The following NLK variants were observed in gnomAD, a reference collection of about 807,000 sequenced individuals.
NLK encodes the protein serine/threonine-protein kinase NLK.
In NLK, 11 loss-of-function variants were observed where a neutral mutation model predicts 59.0. The observed-to-expected ratio is 0.19, with a 90% CI of 0.12 to 0.31. The LOEUF (loss-of-function observed/expected upper bound fraction) is 0.31. Among genes scored for constraint, NLK ranks in the 10% least tolerant of loss-of-function variants. The pLI is 1.00. For missense variants in NLK, 410 were observed against 661.1 expected (o/e 0.62, Z 4.16); for synonymous variants, 235 against 235.9 (o/e 1.00, Z 0.03).
intron 1 of NLK, among the ~76,000 whole-genome samples, chr17:28,072,200 T>G (rs1459795885): frequency 3.9e-5 from 6 of 152,300 alleles, no homozygotes; most frequent in South Asian, 4.1e-4. Flanking sequence ...TTCTTATATT[T>G]TATATGTCTC....
intron 7 of NLK, among the ~76,000 whole-genome samples, chr17:28,174,073 A>T (rs1031345470): frequency 1.3e-5 from 2 of 152,180 alleles, no homozygotes; most frequent in Non-Finnish European, 2.9e-5. Flanking sequence ...TCTAGATAGA[A>T]CGGCTGGAAA....
At position 28,128,834 on chromosome 17, in the gene NLK, TAA is replaced by T. The variant is rs560526407; in HGVS notation, c.589-3783_589-3782del. Among the ~76,000 whole-genome samples, 24 of 152,314 alleles carry T rather than the reference TAA, an allele frequency of 1.6e-4. No homozygotes were observed. In the South Asian group the frequency reaches 5.0e-3, roughly 32 times the overall value. ...AAGAGAAATGAATGCATATATTTAC[TAA>T]AAGAGTGTACAAGAATGTTCATAGC... On this transcript the variant is annotated intron_variant, in intron 2 of 10. Transcript: ENST00000407008.
At chr17:28,121,495 C>CTTTTTTTTTTTTTTTTTTTT (rs58647578) in intron 1 of NLK, among the ~76,000 whole-genome samples, 2 of 72,290 alleles carry the variant, frequency 2.8e-5, no homozygotes, top group African/African-American at 5.8e-5. Context: ...TCTTTCTTTT[C>CTTTTTTTTTTTTTTTTTTTT]TTTTTTTTTT....
chr17:28,178,552 C>T (rs1230227849), intron 7 of NLK, among the ~76,000 whole-genome samples: 1 of 152,208 alleles, frequency 6.6e-6, no homozygotes, highest in Non-Finnish European at 1.5e-5. Context: ...CTATTGTCAG[C>T]TCTTAGTCCT....
At chr17:28,185,399 T>C (rs915941681) in intron 8 of NLK, 134 bp downstream of exon 8, 6 of 575,450 alleles carry the variant, frequency 1.0e-5, no homozygotes, top group Non-Finnish European at 1.8e-5. Flanking sequence ...CCCAGTATCA[T>C]GTGTATCATG....
intron 1 of NLK, 26 bp from the exon 2 acceptor site, chr17:28,122,577 C>T: frequency 6.2e-7 from 1 of 1,605,700 alleles, no homozygotes; most frequent in Non-Finnish European, 8.5e-7. Context: ...CTTTTTTTTC[C>T]CCTTCCCCAA....
intron 8 of NLK, among the ~76,000 whole-genome samples, chr17:28,186,554 C>A (rs1909122835): frequency 1.3e-5 from 2 of 152,010 alleles, no homozygotes; most frequent in African/African-American, 4.8e-5. Flanking sequence ...TGGACTTAAA[C>A]CTTAAAGTTC....
At chr17:28,196,654 CT>C (rs1909491922), downstream of NLK, among the ~76,000 whole-genome samples, 2 of 152,058 alleles carry the variant, frequency 1.3e-5, no homozygotes, top group South Asian at 4.1e-4. Flanking sequence ...GGTTTTCAAA[CT>C]TTTTTTTCTT....
intron 1 of NLK, among the ~76,000 whole-genome samples, chr17:28,057,434 T>C (rs1215397306): frequency 6.6e-6 from 1 of 152,256 alleles, no homozygotes; most frequent in Admixed American, 6.5e-5. Flanking sequence ...TGTGACTATT[T>C]TGGAATGCTA....
At chr17:28,093,313 T>C (rs1276292467) in intron 1 of NLK, among the ~76,000 whole-genome samples, 1 of 152,192 alleles carries the variant, frequency 6.6e-6, no homozygotes, top group Non-Finnish European at 1.5e-5. Flanking sequence ...ATATACATAC[T>C]TAATGAAACC....
intron 1 of NLK, among the ~76,000 whole-genome samples, chr17:28,067,915 TG>T (rs1909887425): frequency 6.6e-6 from 1 of 151,546 alleles, no homozygotes; most frequent in African/African-American, 2.4e-5. Context: ...CCATGGCAGG[TG>T]AATCACCTGA....
intron 3 of NLK, among the ~76,000 whole-genome samples, chr17:28,151,673 GTTAA>G (rs1444857698): frequency 6.6e-6 from 1 of 152,244 alleles, no homozygotes; most frequent in South Asian, 2.1e-4. Context: ...GAACTTTCCA[GTTAA>G]TTAAAGTTAA....
chr17:28,170,586 T>C (rs1301448227), intron 6 of NLK, among the ~76,000 whole-genome samples: 1 of 152,244 alleles, frequency 6.6e-6, no homozygotes, highest in African/African-American at 2.4e-5. Context: ...TTTGACAATA[T>C]TCACTTTTCA....
intron 3 of NLK, among the ~76,000 whole-genome samples, chr17:28,152,986 A>G (rs1907547851): frequency 6.6e-6 from 1 of 151,550 alleles, no homozygotes; most frequent in African/African-American, 2.4e-5. Flanking sequence ...TAAAAGCTCA[A>G]GTTTCGGCCA....
chr17:28,134,975 T>G (rs1301416923), intron 3 of NLK, among the ~76,000 whole-genome samples: 2 of 152,200 alleles, frequency 1.3e-5, no homozygotes, highest in Non-Finnish European at 2.9e-5. Context: ...GGGTCTTCAT[T>G]GAAGAAAAGG....
chr17:28,137,922 T>C lies in NLK; in HGVS notation c.644+5247T>C, dbSNP rs1906827770. Among the ~76,000 whole-genome samples the C allele has an allele frequency of 3.3e-5, 5 of 152,200 alleles. No individual in the cohort carries two copies. The South Asian group carries it at 1.0e-3, about 32-fold the overall frequency. On this transcript the variant is annotated intron_variant, in intron 3 of 10. Coordinates refer to ENST00000407008, the MANE Select transcript of NLK (RefSeq NM_016231.5). Reference sequence around the variant, plus strand: ...GTTTTTAATCTATCTAGGAAATATATTATTTAATAATTTTAAAGATTATAT... The same window carrying C: ...GTTTTTAATCTATCTAGGAAATATACTATTTAATAATTTTAAAGATTATAT...
At chr17:28,163,222 A>G (rs1383692466) in intron 4 of NLK, among the ~76,000 whole-genome samples, 1 of 152,224 alleles carries the variant, frequency 6.6e-6, no homozygotes, top group Non-Finnish European at 1.5e-5. Flanking sequence ...GCAGCAGTCC[A>G]ATAGCCACAC....
intron 1 of NLK, among the ~76,000 whole-genome samples, chr17:28,101,676 C>T (rs1904906556): frequency 6.6e-6 from 1 of 152,116 alleles, no homozygotes. Flanking sequence ...GTTCTAGTAG[C>T]TCTTTGTATG....
chr17:28,108,366 T>G (rs1490914865), intron 1 of NLK, among the ~76,000 whole-genome samples: 2 of 152,096 alleles, frequency 1.3e-5, no homozygotes, highest in Non-Finnish European at 2.9e-5. Flanking sequence ...ATAATTAAAA[T>G]AGTGCGGCCT....
Sources: allele counts gnomAD v4.1 joint callset (sites outside exome capture counted in the v4.1 genomes callset), GRCh38; gene constraint gnomAD v4.1.1; transcripts MANE v1.5; gene names NCBI Gene and HGNC (gene_info 2026-07-23, HGNC 2026-07-21).